ADAM12: variants seen among roughly 807,000 people sequenced by gnomAD.
ADAM12 encodes disintegrin and metalloproteinase domain-containing protein 12.
ADAM12 carries 70 observed loss-of-function variants against 106.4 expected under a neutral mutation model. The observed-to-expected ratio is 0.66, with a 90% CI of 0.54 to 0.80. ADAM12 has a LOEUF of 0.80. Among genes scored for constraint, ADAM12 ranks in the 30% least tolerant of loss-of-function variants. The pLI, the probability that ADAM12 is intolerant of heterozygous loss-of-function variation, is 0.00. For synonymous variants in ADAM12, 420 were observed against 433.5 expected, an observed-to-expected ratio of 0.97 and a Z score of 0.39; for missense variants, 1,010 against 1,171.9, an observed-to-expected ratio of 0.86 and a Z score of 2.02.
intron 3 of ADAM12, among the ~76,000 whole-genome samples, chr10:126,185,532 G>T (rs1330536715): frequency 6.6e-6 from 1 of 151,978 alleles, no homozygotes; most frequent in Non-Finnish European, 1.5e-5. Flanking sequence ...TACATAATGG[G>T]GCCAATTGTG....
intron 3 of ADAM12, among the ~76,000 whole-genome samples, chr10:126,176,311 A>G (rs1009953650): frequency 3.3e-5 from 5 of 152,238 alleles, no homozygotes; most frequent in Admixed American, 1.3e-4. Context: ...GAGGGTAAAC[A>G]CTGCTCTCGG....
chr10:126,221,351 C>T (rs1210177252), intron 3 of ADAM12, among the ~76,000 whole-genome samples: 1 of 141,888 alleles, frequency 7.0e-6, no homozygotes, highest in Non-Finnish European at 1.5e-5. Context: ...GATTGTGTCA[C>T]TGGACTCCAG....
intron 1 of ADAM12, among the ~76,000 whole-genome samples, chr10:126,363,722 T>C (rs1218191855): frequency 6.6e-6 from 1 of 152,190 alleles, no homozygotes; most frequent in Non-Finnish European, 1.5e-5. Context: ...GGTCACTCTA[T>C]TATACTCAGC....
intron 1 of ADAM12, among the ~76,000 whole-genome samples, chr10:126,362,574 G>A (rs889889489): frequency 6.6e-6 from 1 of 151,888 alleles, no homozygotes; most frequent in South Asian, 2.1e-4. Flanking sequence ...GATGAATAAA[G>A]AAAATGTAGT....
chr10:126,340,773 A>G (rs1378371992), intron 1 of ADAM12, among the ~76,000 whole-genome samples: 1 of 149,026 alleles, frequency 6.7e-6, no homozygotes, highest in Non-Finnish European at 1.5e-5. Context: ...GCTGGAGTGC[A>G]GTGGTGCAAT....
Position 126,038,226 on chromosome 10 carries a change from C to A in ADAM12, c.2349+15G>T. 2 of 1,596,384 alleles carry A rather than the reference C, an allele frequency of 1.3e-6. No homozygotes were observed. Among genetic ancestry groups the A allele is most frequent in the Non-Finnish European group, 1.7e-6 (2 of 1,169,658 alleles). ...GCATGTGTGCCCTGAGCACTCACAT[C>A]TACTCAAGACTCACCTTCGGTGGGT... On this transcript the variant is annotated intron_variant, in intron 20 of 22. Transcript: ENST00000448723.
intron 3 of ADAM12, among the ~76,000 whole-genome samples, chr10:126,277,732 C>T (rs1959337105): frequency 6.6e-6 from 1 of 152,080 alleles, no homozygotes; most frequent in Admixed American, 6.5e-5. Flanking sequence ...AAAAACACCT[C>T]ATTTCTTGTT....
At chr10:126,039,551 G>C in intron 18 of ADAM12, 122 bp from the exon 19 acceptor site, 1 of 1,139,990 alleles carries the variant, frequency 8.8e-7, no homozygotes, top group Non-Finnish European at 1.3e-6. Context: ...GAGTACACCC[G>C]TGAGTGATGT....
rs1026405907 is a variant in ADAM12, at chr10:126,126,446, C to T, written c.417-8222G>A. On this transcript the variant is annotated intron_variant, in intron 5 of 22. Coordinates refer to ENST00000448723, the MANE Select transcript of ADAM12 (RefSeq NM_001288973.2). ...ACCCAGGGAATAGTTTCCTTATTTT[C>T]GTTGTTTTTTTTAGAACCAGCATTG... is the stretch of plus-strand genomic sequence containing the variant. 5.9e-5 allele frequency among the ~76,000 whole-genome samples: 9 copies of T among 151,982 alleles called. No homozygotes were observed. In the East Asian group the frequency reaches 7.8e-4, roughly 13 times the overall value.
At chr10:126,208,997 C>T (rs1213394498) in intron 3 of ADAM12, among the ~76,000 whole-genome samples, 1 of 152,106 alleles carries the variant, frequency 6.6e-6, no homozygotes, top group Non-Finnish European at 1.5e-5. Flanking sequence ...CAAGACATCT[C>T]TTTTCAGAAT....
rs542988788 is a variant in ADAM12, at chr10:126,333,627, G to A, written c.89-3118C>T. Reference sequence around the variant, plus strand: ...GCCTCCTGTTAGATAATCAGGGTGAGGCTACAGAAACCAAGTGTAAAGAAC... The same window carrying A: ...GCCTCCTGTTAGATAATCAGGGTGAAGCTACAGAAACCAAGTGTAAAGAAC... On this transcript the variant is annotated intron_variant, in intron 1 of 22. Transcript: ENST00000448723. 5.3e-5 allele frequency among the ~76,000 whole-genome samples: 8 copies of A among 152,270 alleles called. No homozygotes were observed. In the South Asian group the frequency reaches 1.5e-3, roughly 28 times the overall value.
At chr10:126,208,593 C>T (rs959855392) in intron 3 of ADAM12, among the ~76,000 whole-genome samples, 18 of 152,288 alleles carry the variant, frequency 1.2e-4, no homozygotes, top group East Asian at 3.9e-4. Context: ...TACTTTTCAA[C>T]GGCAGCTGAC....
At chr10:126,019,309 C>T (rs1183729265) in intron 22 of ADAM12, among the ~76,000 whole-genome samples, 1 of 152,206 alleles carries the variant, frequency 6.6e-6, no homozygotes, top group Non-Finnish European at 1.5e-5. Flanking sequence ...ATTACCCAGT[C>T]TTCGATATTT....
chr10:126,385,836 G>T (rs1197949483), intron 1 of ADAM12, among the ~76,000 whole-genome samples: 1 of 152,084 alleles, frequency 6.6e-6, no homozygotes, highest in Non-Finnish European at 1.5e-5. Context: ...GAGCCACTGG[G>T]GAGTTTTAGA....
chr10:126,201,857 T>A (rs1957706941), intron 3 of ADAM12, among the ~76,000 whole-genome samples: 1 of 152,164 alleles, frequency 6.6e-6, no homozygotes, highest in Non-Finnish European at 1.5e-5. Flanking sequence ...CAGAGAGGTG[T>A]TGGCTCTGAG....
intron 6 of ADAM12, among the ~76,000 whole-genome samples, chr10:126,114,799 G>A (rs1026845453): frequency 6.6e-6 from 1 of 152,170 alleles, no homozygotes; most frequent in Admixed American, 6.6e-5. Flanking sequence ...AACTAAGGTA[G>A]TAAAAGAACA....
intron 11 of ADAM12, among the ~76,000 whole-genome samples, chr10:126,076,173 CG>C (rs1955097433): frequency 6.6e-6 from 1 of 152,152 alleles, no homozygotes; most frequent in East Asian, 1.9e-4. Flanking sequence ...AGTGAGAACA[CG>C]TGGTATTTGA....
intron 2 of ADAM12, among the ~76,000 whole-genome samples, chr10:126,314,373 G>T (rs1961253964): frequency 6.6e-6 from 1 of 152,178 alleles, no homozygotes; most frequent in Non-Finnish European, 1.5e-5. Context: ...GTGCTCCAAA[G>T]GGAGTTTCAA....
intron 21 of ADAM12, among the ~76,000 whole-genome samples, chr10:126,035,566 ACTT>A: frequency 6.6e-6 from 1 of 152,300 alleles, no homozygotes; most frequent in African/African-American, 2.4e-5. Flanking sequence ...ATTATCTCCT[ACTT>A]ATTTGCTTGT....
Sources: gnomAD v4.1 joint callset for allele counts (sites outside exome capture counted in the v4.1 genomes callset) on GRCh38, gnomAD v4.1.1 for gene constraint, MANE v1.5 for transcripts, NCBI Gene and HGNC (gene_info 2026-07-23, HGNC 2026-07-21) for gene names.